The following TTLL2 variants were observed in gnomAD, a reference collection of about 807,000 sequenced individuals.
The protein encoded by TTLL2 is probable tubulin polyglutamylase TTLL2.
A neutral mutation model predicts 7.5 loss-of-function variants in TTLL2; 10 were observed. The observed-to-expected ratio is 1.33, with a 90% confidence interval of 0.82 to 2.25. The LOEUF (loss-of-function observed/expected upper bound fraction) is 2.25, where lower values mean the gene tolerates loss of function less well. TTLL2 is among the 30% of genes most tolerant of loss of function. The pLI is 0.00. For synonymous variants in TTLL2, 284 were observed against 280.3 expected (o/e 1.01, Z -0.13); for missense variants, 733 against 735.7 (o/e 1.00, Z 0.04).
chr6:167,334,198 G>C (rs1451068890), intron 1 of TTLL2, among the ~76,000 whole-genome samples: 1 of 146,392 alleles, frequency 6.8e-6, no homozygotes, highest in Non-Finnish European at 1.5e-5. Flanking sequence ...ATTTCGTTAT[G>C]TACCCAGTAG....
rs753242295 is a variant in TTLL2, at chr6:167,341,290, A to G, written c.1390A>G (p.Met464Val). ...PYDSLSFTSRMYNEDDSVVEK... is the reference protein window; with the variant it reads ...PYDSLSFTSRVYNEDDSVVEK... ...TGATTCTCTTTCGTTCACAAGCAGA[A>G]TGTACAACGAGGATGACTCTGTGGT... The change falls in exon 3 of 3, where the codon ATG (methionine) becomes GTG (valine). Residue 464 changes from methionine to valine, a missense_variant. By Grantham distance (21) the Met-to-Val change is conservative. Coordinates refer to ENST00000239587, the MANE Select transcript of TTLL2 (RefSeq NM_031949.5). 6.2e-7 allele frequency: 1 copy of G among 1,613,640 alleles called. No individual in the cohort carries two copies. The highest frequency in any genetic ancestry group is 1.7e-5 in the Admixed American group (1 of 59,960).
At chr6:167,325,623 G>T (rs550096523) in intron 1 of TTLL2, among the ~76,000 whole-genome samples, 1 of 152,134 alleles carries the variant, frequency 6.6e-6, no homozygotes, top group East Asian at 1.9e-4. Flanking sequence ...TGTGCTCTGG[G>T]AACTGTGACA....
At chr6:167,337,288 G>T (rs933675445) in intron 1 of TTLL2, among the ~76,000 whole-genome samples, 2 of 152,222 alleles carry the variant, frequency 1.3e-5, no homozygotes, top group African/African-American at 4.8e-5. Flanking sequence ...CCCCAACCCG[G>T]CATGGCTTGC....
rs767948888 is a variant in TTLL2 at position 167,340,546 on chromosome 6, T to C, written c.646T>C (p.Leu216=). The C allele has an allele frequency of 1.2e-6, 2 of 1,614,148 alleles. No homozygotes were observed. The highest frequency in any genetic ancestry group is 2.7e-5 in the African/African-American group (2 of 75,004). ...CTATTGGATTTGCAAGCCTGCTGAG[T>C]TATCTCGTGGGAGGGGGATACTAAT... The part of the protein sequence containing the change: ...HSYWICKPAE[L]SRGRGILIFS... The change falls in exon 3 of 3, where the codon TTA becomes CTA. Residue 216 remains leucine (L), a synonymous_variant. Coordinates refer to ENST00000239587, the MANE Select transcript of TTLL2 (RefSeq NM_031949.5).
In TTLL2 at chr6:167,342,354, A is replaced by C. The variant is rs1309551392; in HGVS notation, c.*675A>C. The stretch of plus-strand genomic sequence containing the variant: ...AGTATGCTGTCATTCCTGCCACATA[A>C]AAAGCATCTGCAGTCCTAAGACATA... On this transcript the variant is annotated 3_prime_UTR_variant, in exon 3 of 3. Coordinates refer to ENST00000239587, the MANE Select transcript of TTLL2 (RefSeq NM_031949.5). Among the ~76,000 whole-genome samples, 1 of 152,238 alleles carries C rather than the reference A, an allele frequency of 6.6e-6. No individual in the cohort carries two copies. Among genetic ancestry groups the C allele is most frequent in the Non-Finnish European group, 1.5e-5 (1 of 68,040 alleles).
At chr6:167,325,266 A>G (rs376545495) in intron 1 of TTLL2, 46 bp downstream of exon 1, 202 of 1,490,668 alleles carry the variant, frequency 1.4e-4, no homozygotes, top group South Asian at 1.2e-3. Context: ...GGCCCCGATC[A>G]TGCCTCTGTT....
chr6:167,325,395 C>T (rs1778836397), intron 1 of TTLL2, among the ~76,000 whole-genome samples, 175 bp downstream of exon 1: 1 of 152,174 alleles, frequency 6.6e-6, no homozygotes, highest in Non-Finnish European at 1.5e-5. Flanking sequence ...AAGGGAAAAG[C>T]AGTCCAGCAT....
In TTLL2 at chr6:167,340,418, C is replaced by T; in HGVS notation, c.518C>T (p.Ser173Phe). 6.2e-7 allele frequency: 1 copy of T among 1,614,194 alleles called. No homozygotes were observed. Among genetic ancestry groups the T allele is most frequent in the Non-Finnish European group, 8.5e-7 (1 of 1,180,042 alleles). Residue 173 changes from serine (S) to phenylalanine (F), a missense_variant, in exon 3 of 3, where the codon TCC becomes TTC. Physicochemically the swap from Ser to Phe is radical, Grantham distance 155. Coordinates refer to ENST00000239587, the MANE Select transcript of TTLL2 (RefSeq NM_031949.5). Reference sequence around the variant, plus strand: ...CACATGAGGAGGATGTATGGCACTTCCCTGTACCAGTTCATCCCCCTGACG... The same window carrying T: ...CACATGAGGAGGATGTATGGCACTTTCCTGTACCAGTTCATCCCCCTGACG... The part of the protein sequence containing the change: ...LKHMRRMYGT[S>F]LYQFIPLTFV...
intron 1 of TTLL2, among the ~76,000 whole-genome samples, chr6:167,330,540 C>T (rs1457210716): frequency 6.7e-6 from 1 of 148,848 alleles, no homozygotes; most frequent in Admixed American, 6.7e-5. Context: ...GCCTGGGGGA[C>T]AAAAGCGAAA....
At chr6:167,328,787 AATCTCCAGG>A (rs1159979531) in intron 1 of TTLL2, among the ~76,000 whole-genome samples, 1 of 152,116 alleles carries the variant, frequency 6.6e-6, no homozygotes, top group Admixed American at 6.5e-5. Context: ...AACTCTGTTT[AATCTCCAGG>A]ATCTCAGAGT....
chr6:167,340,064 C>A, intron 2 of TTLL2, 41 bp from the exon 3 acceptor site: 2 of 1,536,422 alleles, frequency 1.3e-6, no homozygotes, highest in South Asian at 2.6e-5. Context: ...AGGTTATGGT[C>A]TTGACCACTC....
At chr6:167,332,204 A>T (rs1218222808) in intron 1 of TTLL2, among the ~76,000 whole-genome samples, 2 of 152,160 alleles carry the variant, frequency 1.3e-5, no homozygotes, top group East Asian at 3.8e-4. Context: ...CGGAAAATGG[A>T]AGTGAAGTAC....
chr6:167,326,196 T>G (rs1245034169), intron 1 of TTLL2, among the ~76,000 whole-genome samples: 2 of 152,162 alleles, frequency 1.3e-5, no homozygotes, highest in Non-Finnish European at 2.9e-5. Flanking sequence ...GACTTGATCT[T>G]TGACCTCTGC....
intron 1 of TTLL2, among the ~76,000 whole-genome samples, chr6:167,328,936 G>T (rs998543802): frequency 5.3e-5 from 8 of 152,186 alleles, no homozygotes; most frequent in Non-Finnish European, 8.8e-5. Flanking sequence ...CCTGAACACT[G>T]GTTGGGGGAA....
rs1303993906 is a variant in TTLL2 at position 167,341,597 on chromosome 6, C to A, written c.1697C>A (p.Thr566Asn). ...FVLVFPFNEA[T>N]LGASRNGLNV... is the part of the protein sequence containing the mutation. ...CTTGTTTTTCCTTTCAATGAAGCAA[C>A]TCTCGGAGCTTCCAGGAATGGATTA... The change falls in exon 3 of 3, where the codon ACT (threonine) becomes AAT (asparagine). Residue 566 changes from threonine to asparagine, a missense_variant. Transcript: ENST00000239587. 4 of 1,614,184 alleles carry A rather than the reference C, an allele frequency of 2.5e-6. No individual in the cohort carries two copies. The highest frequency in any genetic ancestry group is 1.3e-5 in the African/African-American group (1 of 75,028).
At chr6:167,326,241 C>T (rs1778846895) in intron 1 of TTLL2, among the ~76,000 whole-genome samples, 1 of 152,130 alleles carries the variant, frequency 6.6e-6, no homozygotes, top group African/African-American at 2.4e-5. Flanking sequence ...CAGAACTTTC[C>T]TGATAATTAA....
chr6:167,340,446 C>G lies in TTLL2; in HGVS notation c.546C>G (p.Phe182Leu), dbSNP rs780270059. Residue 182 changes from phenylalanine to leucine, a missense_variant, in exon 3 of 3, where the codon TTC becomes TTG. Phe to Leu is a conservative substitution (Grantham distance 22). Coordinates refer to ENST00000239587, the MANE Select transcript of TTLL2 (RefSeq NM_031949.5). The part of the protein sequence containing the change: ...TSLYQFIPLT[F>L]VMPNDYTKFV... Reference sequence around the variant, plus strand: ...TGTACCAGTTCATCCCCCTGACGTTCGTCATGCCCAATGACTATACCAAGT... The same window carrying G: ...TGTACCAGTTCATCCCCCTGACGTTGGTCATGCCCAATGACTATACCAAGT... 1.1e-5 allele frequency: 17 copies of G among 1,614,132 alleles called. No individual in the cohort carries two copies. Among genetic ancestry groups the G allele is most frequent in the Non-Finnish European group, 1.4e-5 (16 of 1,180,036 alleles).
At chr6:167,325,637 G>T (rs1057416977) in intron 1 of TTLL2, among the ~76,000 whole-genome samples, 1 of 152,172 alleles carries the variant, frequency 6.6e-6, no homozygotes, top group Non-Finnish European at 1.5e-5. Flanking sequence ...TGTGACAGAT[G>T]CTAGGGTTAT....
chr6:167,342,231 GT>G lies in TTLL2; in HGVS notation c.*553del, dbSNP rs1466538409. 6.6e-6 allele frequency among the ~76,000 whole-genome samples: 1 copy of G among 152,234 alleles called. No individual in the cohort carries two copies. Among genetic ancestry groups the G allele is most frequent in the African/African-American group, 2.4e-5 (1 of 41,436 alleles). On this transcript the variant is annotated 3_prime_UTR_variant, in exon 3 of 3. Coordinates refer to ENST00000239587, the MANE Select transcript of TTLL2 (RefSeq NM_031949.5). ...CAGACTTTGCACCAAAGAGCTCCCT[GT>G]GGGGGCATCTTTGGGCTGTATTTAA...
Sources: allele counts gnomAD v4.1 joint callset (sites outside exome capture counted in the v4.1 genomes callset), GRCh38; gene constraint gnomAD v4.1.1; transcripts MANE v1.5; gene names NCBI Gene and HGNC (gene_info 2026-07-23, HGNC 2026-07-21).